Variants in GLIS3 observed in about 807,000 individuals in gnomAD.
The protein encoded by GLIS3 is GLIS family zinc finger 3, also known as zinc finger protein GLIS3.
Under a neutral mutation model 78.6 loss-of-function variants are expected in GLIS3, and 53 were observed. The ratio of observed to expected loss-of-function variants is 0.67; its 90% CI spans 0.54 to 0.85. The LOEUF is 0.85. Ranked by LOEUF, GLIS3 falls within the 40% of genes least tolerant of loss-of-function variation. The probability of loss-of-function intolerance (pLI) is 0.00; values close to 1 mark genes in which losing one functional copy is unlikely to be tolerated. For synonymous variants in GLIS3, 684 were observed against 509.9 expected (o/e 1.34, Z -4.60); for missense variants, 1,703 against 1,231.1 (o/e 1.38, Z -5.74).
intron 2 of GLIS3, among the ~76,000 whole-genome samples, chr9:4,319,320 A>G (rs938397501): frequency 1.3e-5 from 2 of 152,164 alleles, no homozygotes; most frequent in African/African-American, 4.8e-5. Context: ...GCTCCCTCTC[A>G]AATGATCCAG....
At chr9:4,277,101 C>A (rs917774336) in intron 2 of GLIS3, among the ~76,000 whole-genome samples, 1 of 152,154 alleles carries the variant, frequency 6.6e-6, no homozygotes, top group African/African-American at 2.4e-5. Context: ...TTCAAAATTG[C>A]GGGACCCCAA....
intron 9 of GLIS3, among the ~76,000 whole-genome samples, chr9:3,847,126 G>A (rs1307304482): frequency 1.3e-5 from 2 of 152,192 alleles, no homozygotes; most frequent in Non-Finnish European, 2.9e-5. Flanking sequence ...AGAGGTTGCA[G>A]TGAGCCGAGA....
At chr9:3,937,220 A>G (rs771465694) in intron 4 of GLIS3, 31 bp from the exon 5 acceptor site, 2 of 1,613,552 alleles carry the variant, frequency 1.2e-6, no homozygotes, top group East Asian at 4.5e-5. Flanking sequence ...TTGGTGGTTG[A>G]GAAGGACCTT....
the GLIS3 span, among the ~76,000 whole-genome samples, chr9:4,401,796 A>G: frequency 7.9e-5 from 12 of 150,968 alleles, no homozygotes; most frequent in African/African-American, 2.7e-4. Flanking sequence ...GTATTTCACC[A>G]TGTTGCCCAG....
intron 4 of GLIS3, among the ~76,000 whole-genome samples, chr9:4,061,916 G>C (rs1048682249): frequency 1.3e-5 from 2 of 152,160 alleles, no homozygotes; most frequent in Non-Finnish European, 2.9e-5. Flanking sequence ...AGCTTCCTCT[G>C]CCTAGGAGAT....
rs117997856 is a variant in GLIS3 at position 3,887,959 on chromosome 9, T to C, written c.2129-8364A>G. Among the ~76,000 whole-genome samples, 1,412 of 152,284 alleles carry C rather than the reference T, an allele frequency of 9.3e-3. 6 individuals carry two copies. Among genetic ancestry groups the C allele is most frequent in the Non-Finnish European group, 0.015 (1,049 of 68,018 alleles). ...CTCAAATCTCCTACCTTTTCTGTCT[T>C]TTCTCCACCTCCCAACCTACCTGCT... On this transcript the variant is annotated intron_variant, in intron 7 of 10. Transcript: ENST00000381971.
the GLIS3 span, among the ~76,000 whole-genome samples, chr9:4,413,572 A>G: frequency 1.3e-5 from 2 of 152,074 alleles, no homozygotes; most frequent in Non-Finnish European, 2.9e-5. Context: ...GTGGGTAATC[A>G]TTAGCTTGCC....
chr9:4,445,454 T>G, the GLIS3 span, among the ~76,000 whole-genome samples: 1 of 152,042 alleles, frequency 6.6e-6, no homozygotes. Context: ...TAGTGGGACC[T>G]AGTCTCTACA....
the GLIS3 span, among the ~76,000 whole-genome samples, chr9:4,420,155 A>C: frequency 6.6e-6 from 1 of 152,188 alleles, no homozygotes. Context: ...AGGTAATTCT[A>C]ATGGGCAACC....
chr9:4,413,168 G>A, the GLIS3 span, among the ~76,000 whole-genome samples: 27 of 152,180 alleles, frequency 1.8e-4, no homozygotes, highest in Non-Finnish European at 5.9e-5. Flanking sequence ...ACATGGTCTT[G>A]AGTTCTGGAT....
the GLIS3 span, among the ~76,000 whole-genome samples, chr9:4,469,351 C>T: frequency 1.3e-5 from 2 of 152,086 alleles, no homozygotes; most frequent in Non-Finnish European, 2.9e-5. Context: ...GAGCACCACA[C>T]AATACCTATT....
At chr9:4,429,208 T>C in the GLIS3 span, among the ~76,000 whole-genome samples, 3 of 152,154 alleles carry the variant, frequency 2.0e-5, no homozygotes, top group East Asian at 1.9e-4. Flanking sequence ...ATGTTGCACC[T>C]ACCCCTCGCT....
intron 2 of GLIS3, among the ~76,000 whole-genome samples, chr9:4,210,790 G>A (rs1021704693): frequency 6.6e-6 from 1 of 152,202 alleles, no homozygotes; most frequent in Non-Finnish European, 1.5e-5. Context: ...TCTCCTTATG[G>A]TCTCACCAAT....
intron 2 of GLIS3, among the ~76,000 whole-genome samples, chr9:4,204,097 G>C (rs10118148): frequency 0.33 from 50,255 of 151,918 alleles, 8,479 homozygotes; most frequent in East Asian, 0.37. Flanking sequence ...TAATATAAAA[G>C]TTGAAATTAC....
chr9:3,867,587 C>G (rs1820670529), intron 8 of GLIS3, among the ~76,000 whole-genome samples: 2 of 152,204 alleles, frequency 1.3e-5, no homozygotes, highest in Non-Finnish European at 2.9e-5. Flanking sequence ...GAAGAGGCCA[C>G]CAACCTTTTC....
intron 2 of GLIS3, among the ~76,000 whole-genome samples, chr9:4,170,365 G>C (rs991649717): frequency 6.6e-6 from 1 of 152,222 alleles, no homozygotes; most frequent in Non-Finnish European, 1.5e-5. Flanking sequence ...GCTAGGATGA[G>C]TGAAGCTGGG....
At chr9:4,265,161 G>A (rs1450322841) in intron 2 of GLIS3, among the ~76,000 whole-genome samples, 1 of 133,632 alleles carries the variant, frequency 7.5e-6, no homozygotes, top group African/African-American at 2.8e-5. Flanking sequence ...AACAGAGTGA[G>A]ACGCCGTCTC....
At position 3,857,479 on chromosome 9, in the gene GLIS3, G is replaced by A. The variant is rs111623898; in HGVS notation, c.2298-1295C>T. Among the ~76,000 whole-genome samples, 1,029 of 152,302 alleles carry A rather than the reference G, an allele frequency of 6.8e-3. 7 individuals are homozygous for A. Among genetic ancestry groups the A allele is most frequent in the African/African-American group, 0.02 (811 of 41,566 alleles). On this transcript the variant is annotated intron_variant, in intron 8 of 10. Coordinates refer to ENST00000381971, the MANE Select transcript of GLIS3 (RefSeq NM_001042413.2). ...ATGTTTGTACTGTAGCAGTAAGAAA[G>A]CATGGGACAAAAATCTCATGTTCTT...
intron 6 of GLIS3, among the ~76,000 whole-genome samples, chr9:3,929,660 T>A (rs1825494105): frequency 6.6e-6 from 1 of 152,144 alleles, no homozygotes; most frequent in Non-Finnish European, 1.5e-5. Context: ...AATAAGCCCA[T>A]GACTAACAGG....
Sources: allele counts gnomAD v4.1 joint callset (sites outside exome capture counted in the v4.1 genomes callset), GRCh38; gene constraint gnomAD v4.1.1; transcripts MANE v1.5; gene names NCBI Gene and HGNC (gene_info 2026-07-23, HGNC 2026-07-21).